Variants in LYPD6B observed in about 807,000 individuals in gnomAD.
LYPD6B encodes LY6/PLAUR domain containing 6B.
Under a neutral mutation model 22.8 loss-of-function variants are expected in LYPD6B, and 17 were observed. The ratio of observed to expected loss-of-function variants is 0.75; its 90% CI spans 0.51 to 1.12. The LOEUF is 1.12. Among genes scored for constraint, LYPD6B ranks in the 50% most tolerant of loss-of-function variants. The pLI is 0.00. For synonymous variants in LYPD6B, 106 were observed against 91.6 expected (o/e 1.16, Z -0.90); for missense variants, 221 against 258.3 (o/e 0.86, Z 0.99).
At position 149,208,350 on chromosome 2, in the gene LYPD6B, G is replaced by A; in HGVS notation, c.266G>A (p.Cys89Tyr). 1 of 1,613,650 alleles carries A rather than the reference G, an allele frequency of 6.2e-7. No homozygotes were observed. Among genetic ancestry groups the A allele is most frequent in the Non-Finnish European group, 8.5e-7 (1 of 1,179,710 alleles). ...PFPNSFKCFT[C>Y]ENAGDNYNCN... ...CCAAATAGCTTCAAGTGCTTTACTT[G>A]TGAAAACGCAGGGGATAATTATAAC... is the stretch of plus-strand genomic sequence containing the variant. Residue 89 changes from cysteine to tyrosine, a missense_variant, in exon 5 of 7, where the codon TGT (cysteine) becomes TAT (tyrosine). Transcript: ENST00000409642.
intron 2 of LYPD6B, among the ~76,000 whole-genome samples, chr2:149,144,834 G>A (rs4667349): frequency 0.5 from 76,640 of 151,994 alleles, 19,928 homozygotes; most frequent in South Asian, 0.69. Flanking sequence ...TCCACTTGAC[G>A]TGCCTTCAAA....
chr2:149,111,766 A>G (rs1686769510), intron 1 of LYPD6B, among the ~76,000 whole-genome samples: 1 of 152,118 alleles, frequency 6.6e-6, no homozygotes, highest in South Asian at 2.1e-4. Flanking sequence ...AAGTATAGAT[A>G]GAGAATGAGA....
chr2:149,171,989 C>T (rs925048077), intron 3 of LYPD6B, among the ~76,000 whole-genome samples: 3 of 152,060 alleles, frequency 2.0e-5, no homozygotes, highest in Non-Finnish European at 4.4e-5. Flanking sequence ...TTCCGTATGC[C>T]TCTGTATTAG....
chr2:149,072,984 A>C (rs148122028), intron 1 of LYPD6B, among the ~76,000 whole-genome samples: 1 of 152,296 alleles, frequency 6.6e-6, no homozygotes, highest in East Asian at 1.9e-4. Flanking sequence ...CTGGGATGGG[A>C]ACTTAACCTC....
chr2:149,096,577 G>T (rs530689931), intron 1 of LYPD6B, among the ~76,000 whole-genome samples: 1 of 152,300 alleles, frequency 6.6e-6, no homozygotes, highest in East Asian at 1.9e-4. Flanking sequence ...TTACTCTGTT[G>T]TAAGTCCCAG....
intron 1 of LYPD6B, among the ~76,000 whole-genome samples, chr2:149,123,747 T>C (rs1687521811): frequency 6.6e-6 from 1 of 152,034 alleles, no homozygotes; most frequent in African/African-American, 2.4e-5. Flanking sequence ...CCCCAGCTAC[T>C]CACTCGGGAG....
intron 2 of LYPD6B, among the ~76,000 whole-genome samples, chr2:149,151,113 A>T (rs1689343723): frequency 1.3e-5 from 2 of 151,962 alleles, no homozygotes. Context: ...TTCACGTGGG[A>T]GGTTTGCCTC....
At chr2:149,062,536 A>T (rs929046243) in intron 1 of LYPD6B, among the ~76,000 whole-genome samples, 2 of 152,204 alleles carry the variant, frequency 1.3e-5, no homozygotes, top group African/African-American at 4.8e-5. Context: ...AAGCAACAGG[A>T]AAATGAACCC....
chr2:149,120,902 C>T (rs149329330), intron 1 of LYPD6B, among the ~76,000 whole-genome samples: 1 of 150,228 alleles, frequency 6.7e-6, no homozygotes, highest in African/African-American at 2.5e-5. Flanking sequence ...GGTGATCCGC[C>T]TGCCTCAGCT....
At chr2:149,055,878 T>C (rs1381889731) in intron 1 of LYPD6B, among the ~76,000 whole-genome samples, 1 of 152,234 alleles carries the variant, frequency 6.6e-6, no homozygotes, top group African/African-American at 2.4e-5. Context: ...CCTTGCCTAA[T>C]TGCCTTTGCT....
At chr2:149,203,583 T>C (rs980694381) in intron 3 of LYPD6B, among the ~76,000 whole-genome samples, 12 of 152,198 alleles carry the variant, frequency 7.9e-5, no homozygotes, top group African/African-American at 2.9e-4. Context: ...GAAAGGTCAA[T>C]CTTGGTTTCT....
chr2:149,072,592 A>G (rs1272156983), intron 1 of LYPD6B, among the ~76,000 whole-genome samples: 2 of 150,422 alleles, frequency 1.3e-5, no homozygotes, highest in African/African-American at 4.9e-5. Flanking sequence ...GCTGGAGTGC[A>G]GTGGCATGAT....
chr2:149,135,599 A>C (rs1304914585), intron 2 of LYPD6B, among the ~76,000 whole-genome samples: 6 of 151,796 alleles, frequency 4.0e-5, no homozygotes, highest in African/African-American at 1.5e-4. Context: ...AGGCACCGGT[A>C]ATCCCAGCTA....
At chr2:149,120,934 G>A (rs1244350541) in intron 1 of LYPD6B, among the ~76,000 whole-genome samples, 3 of 151,666 alleles carry the variant, frequency 2.0e-5, no homozygotes, top group Non-Finnish European at 2.9e-5. Context: ...TGGGACTACA[G>A]GTGTGCACCA....
At chr2:149,058,088 T>A (rs747252498) in intron 1 of LYPD6B, among the ~76,000 whole-genome samples, 1 of 152,224 alleles carries the variant, frequency 6.6e-6, no homozygotes, top group Non-Finnish European at 1.5e-5. Context: ...TCCTTCTGCC[T>A]TCTGACTGTG....
intron 1 of LYPD6B, among the ~76,000 whole-genome samples, chr2:149,086,368 T>C (rs936024099): frequency 6.6e-6 from 1 of 152,158 alleles, no homozygotes; most frequent in African/African-American, 2.4e-5. Flanking sequence ...CATAGCAGCC[T>C]TCACCTCCCC....
At chr2:149,186,877 G>A (rs1227554006) in intron 3 of LYPD6B, among the ~76,000 whole-genome samples, 1 of 152,158 alleles carries the variant, frequency 6.6e-6, no homozygotes, top group Admixed American at 6.5e-5. Context: ...TTGATGAAGG[G>A]AAGACTCAAT....
At chr2:149,176,772 G>A (rs1343915186) in intron 3 of LYPD6B, among the ~76,000 whole-genome samples, 1 of 152,166 alleles carries the variant, frequency 6.6e-6, no homozygotes, top group Non-Finnish European at 1.5e-5. Context: ...TGCTAGCATG[G>A]TAGCCACCCC....
intron 1 of LYPD6B, among the ~76,000 whole-genome samples, chr2:149,093,685 C>T (rs567931259): frequency 2.6e-5 from 4 of 152,184 alleles, no homozygotes; most frequent in Non-Finnish European, 5.9e-5. Context: ...TACCTGTGAT[C>T]GTTAGAAACA....
Sources: allele counts gnomAD v4.1 joint callset (sites outside exome capture counted in the v4.1 genomes callset), GRCh38; gene constraint gnomAD v4.1.1; transcripts MANE v1.5; gene names NCBI Gene and HGNC (gene_info 2026-07-23, HGNC 2026-07-21).